The following PDE7B variants were observed in gnomAD, a reference collection of about 807,000 sequenced individuals.
PDE7B encodes phosphodiesterase 7B.
In PDE7B, 29 loss-of-function variants were observed where a neutral mutation model predicts 56.2. The ratio of observed to expected loss-of-function variants is 0.52; its 90% CI spans 0.38 to 0.70. The LOEUF (loss-of-function observed/expected upper bound fraction) is 0.70, where lower values mean the gene tolerates loss of function less well. PDE7B is among the 30% of genes least tolerant of loss of function. PDE7B has a pLI of 0.00. For synonymous variants in PDE7B, 197 were observed against 196.9 expected (o/e 1.00, Z 0.00); for missense variants, 490 against 565.0 (o/e 0.87, Z 1.35).
intron 2 of PDE7B, among the ~76,000 whole-genome samples, chr6:136,039,619 T>C (rs149386159): frequency 6.6e-6 from 1 of 152,244 alleles, no homozygotes; most frequent in African/African-American, 2.4e-5. Context: ...GTTAATACTC[T>C]GGGAAAAGAA....
chr6:136,092,233 A>T (rs928388182), intron 2 of PDE7B, among the ~76,000 whole-genome samples: 3 of 152,216 alleles, frequency 2.0e-5, no homozygotes, highest in Non-Finnish European at 4.4e-5. Flanking sequence ...ATAGTTTTTC[A>T]GTTCCAATTC....
At chr6:135,932,394 G>T (rs1238468845) in intron 1 of PDE7B, among the ~76,000 whole-genome samples, 4 of 151,996 alleles carry the variant, frequency 2.6e-5, no homozygotes, top group East Asian at 1.9e-4. Context: ...TGGCATGCCG[G>T]TATCCAAACA....
At chr6:136,124,232 T>TA (rs772691323) in intron 3 of PDE7B, among the ~76,000 whole-genome samples, 4 of 151,984 alleles carry the variant, frequency 2.6e-5, no homozygotes, top group Non-Finnish European at 4.4e-5. Flanking sequence ...AAATTATATA[T>TA]AAAAAATAAA....
chr6:136,160,430 G>C (rs1367885640), intron 8 of PDE7B, among the ~76,000 whole-genome samples: 1 of 152,106 alleles, frequency 6.6e-6, no homozygotes, highest in Non-Finnish European at 1.5e-5. Flanking sequence ...TAGGAGTAGA[G>C]CTGCTTTTTG....
intron 3 of PDE7B, among the ~76,000 whole-genome samples, chr6:136,125,327 A>G (rs969530688): frequency 6.6e-6 from 1 of 152,182 alleles, no homozygotes; most frequent in Non-Finnish European, 1.5e-5. Flanking sequence ...GTGAATTAGC[A>G]CTGTGGGAGG....
chr6:136,155,777 G>A lies in PDE7B; in HGVS notation c.711+19G>A, dbSNP rs2128447829. The A allele has an allele frequency of 6.2e-7, 1 of 1,613,416 alleles. No homozygotes were observed. On this transcript the variant is annotated intron_variant, in intron 8 of 12. Coordinates refer to ENST00000308191, the MANE Select transcript of PDE7B (RefSeq NM_018945.4). ...ATATCAGGTAAGGGAGCCCAACCTG[G>A]AGCCAGCCACAGTATGGTCAATCGC...
At chr6:136,156,213 A>G in intron 8 of PDE7B, 1 of 263,744 alleles carries the variant, frequency 3.8e-6, no homozygotes, top group Non-Finnish European at 7.2e-6. Flanking sequence ...TTTCAGAAAC[A>G]GGGTCTTGCT....
intron 3 of PDE7B, among the ~76,000 whole-genome samples, chr6:136,112,242 T>C (rs546943695): frequency 2.0e-5 from 3 of 152,280 alleles, no homozygotes; most frequent in South Asian, 2.1e-4. Context: ...CTAAAATTAC[T>C]TGTCTTCAAC....
At chr6:136,083,104 G>A (rs753640038) in intron 2 of PDE7B, among the ~76,000 whole-genome samples, 1 of 152,188 alleles carries the variant, frequency 6.6e-6, no homozygotes, top group Admixed American at 6.5e-5. Context: ...TGGCTTGGAG[G>A]ACAGTGTTAG....
At chr6:135,972,749 G>T (rs1775115250) in intron 2 of PDE7B, among the ~76,000 whole-genome samples, 1 of 152,076 alleles carries the variant, frequency 6.6e-6, no homozygotes, top group South Asian at 2.1e-4. Context: ...AAGCCAAGAG[G>T]TTTTTATGAC....
At chr6:135,998,797 C>T (rs1201983694) in intron 2 of PDE7B, among the ~76,000 whole-genome samples, 1 of 151,640 alleles carries the variant, frequency 6.6e-6, no homozygotes, top group Non-Finnish European at 1.5e-5. Flanking sequence ...AAAAACACTC[C>T]TTAAAGTGAT....
chr6:136,010,562 C>T (rs1048669918), intron 2 of PDE7B, among the ~76,000 whole-genome samples: 1 of 151,992 alleles, frequency 6.6e-6, no homozygotes, highest in Non-Finnish European at 1.5e-5. Flanking sequence ...CATGCAACAA[C>T]ACCTGGCTAA....
Position 135,851,849 on chromosome 6 carries a change from C to CTTTTTTTTCT in PDE7B, c.-141_-132dup. On this transcript the variant is annotated 5_prime_UTR_variant, in exon 1 of 13. Coordinates refer to ENST00000308191, the MANE Select transcript of PDE7B (RefSeq NM_018945.4). ...CTTTTGTGTTTCTTTATTTCTTTTC[C>CTTTTTTTTCT]TTTTTTTTCTTTTTTTTTTTTTGTT... 1.6e-6 allele frequency: 1 copy of CTTTTTTTTCT among 630,500 alleles called. No individual in the cohort carries two copies. 39.1% of individuals were successfully genotyped at this position (630,500 alleles called of 1,614,324 possible).
chr6:136,091,651 A>G (rs900717571), intron 2 of PDE7B, among the ~76,000 whole-genome samples: 5 of 152,226 alleles, frequency 3.3e-5, no homozygotes, highest in African/African-American at 1.2e-4. Context: ...ACATAGGATA[A>G]GCGATGCTTG....
chr6:136,086,217 T>C (rs1777289746), intron 2 of PDE7B, among the ~76,000 whole-genome samples: 2 of 152,216 alleles, frequency 1.3e-5, no homozygotes, highest in Non-Finnish European at 2.9e-5. Flanking sequence ...TTGGCGAATA[T>C]TCTAGTACTC....
At chr6:136,056,311 C>T (rs756953266) in intron 2 of PDE7B, among the ~76,000 whole-genome samples, 11 of 152,304 alleles carry the variant, frequency 7.2e-5, no homozygotes, top group Non-Finnish European at 1.5e-4. Flanking sequence ...TGTGCATACA[C>T]AGGTGAACTG....
At chr6:136,147,016 C>A (rs1364642282) in intron 3 of PDE7B, among the ~76,000 whole-genome samples, 1 of 152,074 alleles carries the variant, frequency 6.6e-6, no homozygotes, top group Non-Finnish European at 1.5e-5. Context: ...GTGGCACATG[C>A]CTGTAGTAGC....
At chr6:136,132,693 G>A (rs138529779) in intron 3 of PDE7B, among the ~76,000 whole-genome samples, 104 of 152,310 alleles carry the variant, frequency 6.8e-4, no homozygotes, top group African/African-American at 2.4e-3. Context: ...AGGAGACCCA[G>A]TGTGTTTGTT....
At chr6:135,956,133 G>T (rs1774788656) in intron 2 of PDE7B, among the ~76,000 whole-genome samples, 1 of 152,066 alleles carries the variant, frequency 6.6e-6, no homozygotes, top group African/African-American at 2.4e-5. Flanking sequence ...AGCCTAACTA[G>T]GTAGGAGACT....
Sources: allele counts gnomAD v4.1 joint callset (sites outside exome capture counted in the v4.1 genomes callset), GRCh38; gene constraint gnomAD v4.1.1; transcripts MANE v1.5; gene names NCBI Gene and HGNC (gene_info 2026-07-23, HGNC 2026-07-21).